The following NEURL1 variants were observed in gnomAD, a reference collection of about 807,000 sequenced individuals.
NEURL1 encodes the protein E3 ubiquitin-protein ligase NEURL1.
Under a neutral mutation model 41.2 loss-of-function variants are expected in NEURL1, and 26 were observed. The observed-to-expected ratio is 0.63, with a 90% CI of 0.46 to 0.87. NEURL1 has a LOEUF of 0.87. Among genes scored for constraint, NEURL1 ranks in the 40% least tolerant of loss-of-function variants. NEURL1 has a pLI of 0.00. For missense variants in NEURL1, 761 were observed against 871.1 expected (o/e 0.87, Z 1.59); for synonymous variants, 400 against 402.3 (o/e 0.99, Z 0.07).
At position 103,559,351 on chromosome 10, in the gene NEURL1, G is replaced by A. The variant is rs540758917; in HGVS notation, c.86-11521G>A. On this transcript the variant is annotated intron_variant, in intron 1 of 5. Transcript: ENST00000369780. ...TCTAGCTCTGCATTCCCTTACCTCA[G>A]CCTGGCGCCTGGCACACAGTGGCTC... Among the ~76,000 whole-genome samples, 5 of 152,322 alleles carry A rather than the reference G, an allele frequency of 3.3e-5. No homozygotes were observed. In the South Asian group the frequency reaches 1.0e-3, roughly 32 times the overall value.
At chr10:103,533,283 C>T (rs2034612554) in intron 1 of NEURL1, among the ~76,000 whole-genome samples, 1 of 151,948 alleles carries the variant, frequency 6.6e-6, no homozygotes, top group Non-Finnish European at 1.5e-5. Flanking sequence ...TTTATTATGT[C>T]TCATAAGTCT....
At chr10:103,503,802 T>C (rs1276470506) in intron 1 of NEURL1, among the ~76,000 whole-genome samples, 10 of 146,688 alleles carry the variant, frequency 6.8e-5, no homozygotes, top group African/African-American at 1.3e-4. Flanking sequence ...TTTTTTTTTT[T>C]TTTTTTGAGA....
intron 1 of NEURL1, among the ~76,000 whole-genome samples, chr10:103,509,234 CAA>C (rs56319349): frequency 0.11 from 12,593 of 111,484 alleles, 574 homozygotes; most frequent in East Asian, 0.23. Context: ...GACTCTGTCT[CAA>C]AAAAAAAAAA....
chr10:103,570,781 G>C (rs1401481178), intron 1 of NEURL1, 91 bp from the exon 2 acceptor site: 1 of 1,531,768 alleles, frequency 6.5e-7, no homozygotes, highest in African/African-American at 1.4e-5. Context: ...GTGACTTCTG[G>C]TCATGCCCAG....
rs531472626 is a variant in NEURL1 at position 103,580,052 on chromosome 10, C to T, written c.650-4484C>T. On this transcript the variant is annotated intron_variant, in intron 3 of 5. Transcript: ENST00000369780. ...TCCTGGCTCCTCCCTCTCCCAGACT[C>T]CCTGCCCAGGGCTGGGCACACAGTA... is the stretch of plus-strand genomic sequence containing the variant. Among the ~76,000 whole-genome samples, 192 of 152,296 alleles carry T rather than the reference C, an allele frequency of 1.3e-3. 1 individual carries two copies. The highest frequency in any genetic ancestry group is 2.2e-3 in the Non-Finnish European group (149 of 68,028).
rs534821333 is a variant in NEURL1, at chr10:103,524,746, G to A, written c.85+30274G>A. Among the ~76,000 whole-genome samples, 48 of 152,234 alleles carry A rather than the reference G, an allele frequency of 3.2e-4. No homozygotes were observed. In the South Asian group the frequency reaches 9.7e-3, roughly 31 times the overall value. ...TTCTTGTCACCTTTATTGAAAATCAGTTTTGCTATAAATACATGGGTTTAT... is the reference window on the plus strand; with the variant it reads ...TTCTTGTCACCTTTATTGAAAATCAATTTTGCTATAAATACATGGGTTTAT... On this transcript the variant is annotated intron_variant, in intron 1 of 5. Transcript: ENST00000369780.
chr10:103,560,562 C>T (rs1369643763), intron 1 of NEURL1, among the ~76,000 whole-genome samples: 5 of 152,174 alleles, frequency 3.3e-5, no homozygotes, highest in Non-Finnish European at 7.3e-5. Context: ...ATGATGAGTT[C>T]ATTCATCTTC....
At chr10:103,540,659 T>C (rs1286442132) in intron 1 of NEURL1, among the ~76,000 whole-genome samples, 1 of 148,690 alleles carries the variant, frequency 6.7e-6, no homozygotes. Context: ...CATCTTGTGC[T>C]TAATGTCATT....
intron 4 of NEURL1, among the ~76,000 whole-genome samples, chr10:103,585,813 A>G (rs1176849995): frequency 2.0e-4 from 29 of 145,762 alleles, no homozygotes. Flanking sequence ...AGCCTGGGCG[A>G]CAGAGTGAGA....
chr10:103,506,531 C>T (rs923650006), intron 1 of NEURL1, among the ~76,000 whole-genome samples: 5 of 151,234 alleles, frequency 3.3e-5, no homozygotes, highest in African/African-American at 1.2e-4. Context: ...TCCCTTCTTC[C>T]TCCTCCTCCT....
At chr10:103,590,090 G>A (rs1362084702) in intron 5 of NEURL1, 44 bp from the exon 6 acceptor site, 2 of 1,583,182 alleles carry the variant, frequency 1.3e-6, no homozygotes, top group Non-Finnish European at 1.7e-6. Context: ...TCCAGCGCCG[G>A]GTTGGGCCAT....
intron 4 of NEURL1, 82 bp downstream of exon 4, chr10:103,585,307 C>T: frequency 8.2e-7 from 1 of 1,224,758 alleles, no homozygotes; most frequent in Non-Finnish European, 1.1e-6. Context: ...GGCGAGCTCC[C>T]CTTCCTCCAG....
chr10:103,559,922 C>T (rs747024093), intron 1 of NEURL1, among the ~76,000 whole-genome samples: 5 of 151,704 alleles, frequency 3.3e-5, no homozygotes, highest in Non-Finnish European at 5.9e-5. Flanking sequence ...CACACATGCA[C>T]ACACATATTA....
intron 1 of NEURL1, among the ~76,000 whole-genome samples, chr10:103,504,904 G>A (rs977478071): frequency 6.6e-6 from 1 of 152,162 alleles, no homozygotes; most frequent in African/African-American, 2.4e-5. Context: ...AAATGAGTAG[G>A]GGTTGGCCTC....
At chr10:103,589,808 C>A in intron 5 of NEURL1, 148 bp downstream of exon 5, 1 of 1,137,518 alleles carries the variant, frequency 8.8e-7, no homozygotes, top group Non-Finnish European at 1.2e-6. Flanking sequence ...TCATCCCCTC[C>A]TGTCCCCTAG....
chr10:103,542,037 A>G (rs2034830999), intron 1 of NEURL1, among the ~76,000 whole-genome samples: 1 of 152,206 alleles, frequency 6.6e-6, no homozygotes, highest in South Asian at 2.1e-4. Context: ...GAGGGGTTCC[A>G]GCACATTTCC....
chr10:103,584,741 G>A lies in NEURL1; in HGVS notation c.855G>A (p.Ala285=). 2.0e-6 allele frequency: 3 copies of A among 1,463,790 alleles called. No individual in the cohort carries two copies. The highest frequency in any genetic ancestry group is 2.6e-5 in the South Asian group (2 of 75,870). 90.7% of individuals were successfully genotyped at this position (1,463,790 alleles called of 1,614,324 possible). The change falls in exon 4 of 6, where the codon GCG becomes GCA. Residue 285 remains alanine, a synonymous_variant. Coordinates refer to ENST00000369780, the MANE Select transcript of NEURL1 (RefSeq NM_004210.5). ...QNSLNSQHSR[A]LPAQLDGDLR... is the part of the protein sequence containing the mutation. ...CACTCAACTCGCAGCACAGCCGCGC[G>A]CTGCCGGCGCAGCTCGACGGCGACC...
intron 1 of NEURL1, among the ~76,000 whole-genome samples, chr10:103,521,023 G>T (rs2034337669): frequency 1.3e-5 from 2 of 152,190 alleles, no homozygotes; most frequent in Non-Finnish European, 1.5e-5. Flanking sequence ...TGCCCAAGGG[G>T]TTCAGTGTAA....
intron 3 of NEURL1, among the ~76,000 whole-genome samples, chr10:103,583,071 G>A (rs571680193): frequency 6.6e-6 from 1 of 152,196 alleles, no homozygotes; most frequent in South Asian, 2.1e-4. Flanking sequence ...TTTATTGAAA[G>A]TTATAGGACT....
Sources: gnomAD v4.1 joint callset for allele counts (sites outside exome capture counted in the v4.1 genomes callset) on GRCh38, gnomAD v4.1.1 for gene constraint, MANE v1.5 for transcripts, NCBI Gene and HGNC (gene_info 2026-07-23, HGNC 2026-07-21) for gene names.